FBXO36: variants seen among roughly 807,000 people sequenced by gnomAD.
FBXO36 encodes F-box protein 36.
FBXO36 carries 18 observed loss-of-function variants against 17.0 expected under a neutral mutation model. That is an observed-to-expected ratio of 1.06 (90% confidence interval 0.73 to 1.57). The LOEUF is 1.57. Ranked by LOEUF, FBXO36 falls within the 40% of genes most tolerant of loss-of-function variation. The pLI is 0.00. For synonymous variants in FBXO36, 83 were observed against 85.3 expected (o/e 0.97, Z 0.15); for missense variants, 229 against 221.9 (o/e 1.03, Z -0.20).
chr2:229,923,703 C>T (rs1407788915), intron 1 of FBXO36, among the ~76,000 whole-genome samples: 2 of 151,736 alleles, frequency 1.3e-5, no homozygotes, highest in Admixed American at 6.6e-5. Flanking sequence ...CAGTACTGCT[C>T]CTTGCGGAGC....
intron 1 of FBXO36, among the ~76,000 whole-genome samples, chr2:229,954,542 CTTTTTTTTT>C (rs1176794800): frequency 1.3e-5 from 1 of 78,802 alleles, no homozygotes; most frequent in Admixed American, 1.9e-4. Context: ...TGCACCCGGC[CTTTTTTTTT>C]TTTTTTTTTT....
chr2:229,985,043 G>A (rs1286339577), intron 2 of FBXO36, among the ~76,000 whole-genome samples: 1 of 152,280 alleles, frequency 6.6e-6, no homozygotes, highest in Admixed American at 6.5e-5. Context: ...ACGTGACCAA[G>A]GATGGTCTTT....
intron 1 of FBXO36, among the ~76,000 whole-genome samples, chr2:229,955,656 T>G (rs1040030029): frequency 3.9e-5 from 6 of 152,208 alleles, no homozygotes; most frequent in Non-Finnish European, 5.9e-5. Flanking sequence ...CCCTCTGTGT[T>G]TGTGGAATGA....
At chr2:229,947,198 G>A (rs1416173223) in intron 1 of FBXO36, among the ~76,000 whole-genome samples, 1 of 151,992 alleles carries the variant, frequency 6.6e-6, no homozygotes, top group Non-Finnish European at 1.5e-5. Flanking sequence ...TAAGAAGCAA[G>A]TATAGAATAC....
At chr2:229,980,488 G>A (rs752981021) in intron 2 of FBXO36, among the ~76,000 whole-genome samples, 12 of 152,056 alleles carry the variant, frequency 7.9e-5, no homozygotes, top group Non-Finnish European at 1.6e-4. Flanking sequence ...TGGGGATTTG[G>A]GCCAGAGATG....
chr2:229,941,006 T>C (rs1441328878), intron 1 of FBXO36, among the ~76,000 whole-genome samples: 1 of 152,108 alleles, frequency 6.6e-6, no homozygotes, highest in East Asian at 1.9e-4. Context: ...AGCCTCCACC[T>C]GAGATAAATC....
At chr2:229,975,284 G>C (rs994306251) in intron 1 of FBXO36, among the ~76,000 whole-genome samples, 2 of 151,980 alleles carry the variant, frequency 1.3e-5, no homozygotes, top group Non-Finnish European at 2.9e-5. Context: ...CCATGTAACT[G>C]TTGCTCTCTG....
chr2:229,924,263 T>A (rs1426221571), intron 1 of FBXO36, among the ~76,000 whole-genome samples: 1 of 152,034 alleles, frequency 6.6e-6, no homozygotes, highest in Admixed American at 6.6e-5. Context: ...CAGCTAATTT[T>A]TGTATTTTTA....
intron 1 of FBXO36, chr2:229,939,148 G>A (rs929900722): frequency 1.2e-6 from 1 of 808,452 alleles, no homozygotes; most frequent in Non-Finnish European, 1.5e-6. Context: ...CCGGTTCCCG[G>A]GTTCAAGCGA....
intron 1 of FBXO36, among the ~76,000 whole-genome samples, chr2:229,965,344 T>G (rs1190697390): frequency 1.3e-5 from 2 of 150,914 alleles, no homozygotes; most frequent in African/African-American, 2.4e-5. Context: ...TTTTCTTTTT[T>G]TTTCTTTTTT....
At chr2:229,976,099 C>G (rs150497318) in intron 1 of FBXO36, 142 bp from the exon 2 acceptor site, 6 of 578,830 alleles carry the variant, frequency 1.0e-5, no homozygotes, top group Non-Finnish European at 1.2e-5. Flanking sequence ...GAGGTTAATT[C>G]TAATTTGATG....
chr2:229,973,923 G>A (rs758370717), intron 1 of FBXO36, among the ~76,000 whole-genome samples: 3 of 151,704 alleles, frequency 2.0e-5, no homozygotes, highest in Non-Finnish European at 4.4e-5. Context: ...GGTGGCACGC[G>A]CCTGTGGTCC....
At chr2:229,927,450 T>G (rs2076919081) in intron 1 of FBXO36, among the ~76,000 whole-genome samples, 2 of 152,198 alleles carry the variant, frequency 1.3e-5, no homozygotes, top group South Asian at 4.1e-4. Flanking sequence ...AAATGTTGTC[T>G]TCTTTGTCCT....
intron 3 of FBXO36, among the ~76,000 whole-genome samples, chr2:230,000,526 A>G (rs1296874927): frequency 6.6e-6 from 1 of 151,996 alleles, no homozygotes; most frequent in Non-Finnish European, 1.5e-5. Context: ...TACTTTCAGT[A>G]AATTTCTGCT....
chr2:230,000,851 CTTTTTT>C (rs71049612), intron 3 of FBXO36, among the ~76,000 whole-genome samples: 182 of 89,494 alleles, frequency 2.0e-3, no homozygotes, highest in East Asian at 8.6e-3. Context: ...AACCACTTTT[CTTTTTT>C]TTTTTTTTTT....
At chr2:229,954,495 G>A (rs1372832965) in intron 1 of FBXO36, among the ~76,000 whole-genome samples, 4 of 149,958 alleles carry the variant, frequency 2.7e-5, no homozygotes, top group Non-Finnish European at 5.9e-5. Context: ...TGCCCGCTTC[G>A]GCCTCCCAAA....
intron 1 of FBXO36, chr2:229,939,280 A>G (rs1036121060): frequency 1.0e-6 from 1 of 984,678 alleles, no homozygotes; most frequent in Non-Finnish European, 1.2e-6. Context: ...TAAGATATAC[A>G]ATTTTTTTGC....
At chr2:229,997,519 AG>A (rs1343825715) in intron 3 of FBXO36, among the ~76,000 whole-genome samples, 3 of 151,314 alleles carry the variant, frequency 2.0e-5, no homozygotes, top group African/African-American at 7.3e-5. Flanking sequence ...TGGAGGTTGC[AG>A]TGAGCCAAGA....
At chr2:229,991,876 A>G (rs544716776) in intron 2 of FBXO36, among the ~76,000 whole-genome samples, 3 of 152,138 alleles carry the variant, frequency 2.0e-5, no homozygotes, top group East Asian at 3.9e-4. Flanking sequence ...ACCTTTCCCC[A>G]TCTCCAATTT....
Sources: gnomAD v4.1 joint callset for allele counts (sites outside exome capture counted in the v4.1 genomes callset) on GRCh38, gnomAD v4.1.1 for gene constraint, MANE v1.5 for transcripts, NCBI Gene and HGNC (gene_info 2026-07-23, HGNC 2026-07-21) for gene names.